The following EGF variants were observed in gnomAD, a reference collection of about 807,000 sequenced individuals.
EGF encodes epidermal growth factor, also known as pro-epidermal growth factor.
A neutral mutation model predicts 143.8 loss-of-function variants in EGF; 95 were observed. The ratio of observed to expected loss-of-function variants is 0.66; its 90% CI spans 0.56 to 0.78. The LOEUF (loss-of-function observed/expected upper bound fraction) is 0.78, where lower values mean the gene tolerates loss of function less well. Ranked by LOEUF, EGF falls within the 30% of genes least tolerant of loss-of-function variation. The probability of loss-of-function intolerance (pLI) is 0.00; values close to 1 mark genes in which losing one functional copy is unlikely to be tolerated. For missense variants in EGF, 1,320 were observed against 1,470.9 expected (o/e 0.90, Z 1.68); for synonymous variants, 510 against 510.5 (o/e 1.00, Z 0.01).
chr4:109,955,169 G>A (rs1744595243), intron 5 of EGF, among the ~76,000 whole-genome samples: 1 of 152,178 alleles, frequency 6.6e-6, no homozygotes, highest in African/African-American at 2.4e-5. Flanking sequence ...CTGGGCCAGG[G>A]TAAAATCTAC....
intron 3 of EGF, 102 bp downstream of exon 3, chr4:109,943,537 C>T: frequency 7.5e-7 from 1 of 1,333,858 alleles, no homozygotes; most frequent in Non-Finnish European, 1.1e-6. Context: ...TCACTGAGAC[C>T]AAAGCCCTCT....
chr4:109,915,957 G>A (rs1462416592), intron 1 of EGF, among the ~76,000 whole-genome samples: 1 of 152,180 alleles, frequency 6.6e-6, no homozygotes, highest in African/African-American at 2.4e-5. Flanking sequence ...AGCAGGTGAG[G>A]ACAGCAGGAA....
chr4:109,956,690 A>G (rs188912874), intron 5 of EGF, among the ~76,000 whole-genome samples: 92 of 152,334 alleles, frequency 6.0e-4, no homozygotes, highest in African/African-American at 2.2e-3. Flanking sequence ...TAAAAATCAT[A>G]GGCAAGAAAT....
intron 9 of EGF, 85 bp downstream of exon 9, chr4:109,963,383 T>C: frequency 5.1e-6 from 8 of 1,573,284 alleles, no homozygotes; most frequent in Non-Finnish European, 7.0e-6. Flanking sequence ...AGTTAACTGC[T>C]TATGGTTTTG....
intron 1 of EGF, among the ~76,000 whole-genome samples, chr4:109,926,515 C>G (rs536339286): frequency 4.7e-4 from 71 of 152,086 alleles, no homozygotes; most frequent in Non-Finnish European, 8.4e-4. Flanking sequence ...CCACCACACC[C>G]GGCTAATTTT....
Position 109,922,465 on chromosome 4 carries a change from A to G in EGF, c.127+9003A>G, listed in dbSNP as rs2125939863. On this transcript the variant is annotated intron_variant, in intron 1 of 23. Transcript: ENST00000265171. ...AGCTAATAGAAATATATAGCGCATG[A>G]CATCCTCTTTAACATGAGCTATGTT... is the stretch of plus-strand genomic sequence containing the variant. 1.3e-5 allele frequency among the ~76,000 whole-genome samples: 2 copies of G among 151,874 alleles called. 1 individual carries two copies. The highest frequency in any genetic ancestry group is 4.1e-4 in the South Asian group (2 of 4,824).
At chr4:110,001,922 C>T (rs532411691) in intron 21 of EGF, 1 of 985,270 alleles carries the variant, frequency 1.0e-6, no homozygotes, top group Non-Finnish European at 1.2e-6. Flanking sequence ...GATCAGTGTA[C>T]CTGCTTACCT....
intron 1 of EGF, among the ~76,000 whole-genome samples, chr4:109,915,108 G>A (rs1736392049): frequency 6.6e-6 from 1 of 152,196 alleles, no homozygotes; most frequent in African/African-American, 2.4e-5. Context: ...TGGTGGCTCA[G>A]AAGTGCCTTC....
chr4:109,967,324 G>A (rs1346031473), intron 10 of EGF, among the ~76,000 whole-genome samples: 1 of 152,038 alleles, frequency 6.6e-6, no homozygotes, highest in African/African-American at 2.4e-5. Flanking sequence ...ATATTTTTGT[G>A]GACTTTGTCA....
intron 20 of EGF, among the ~76,000 whole-genome samples, chr4:109,995,772 A>G (rs909741077): frequency 8.5e-5 from 13 of 152,228 alleles, no homozygotes; most frequent in Admixed American, 3.3e-4. Context: ...AATAGCTACT[A>G]TAACCTTAAA....
chr4:109,975,893 TC>T, intron 12 of EGF, 118 bp from the exon 13 acceptor site: 1 of 1,127,220 alleles, frequency 8.9e-7, no homozygotes. Flanking sequence ...TCTTCTGTAT[TC>T]CTTAGTGTAC....
chr4:109,994,874 C>T lies in EGF; in HGVS notation c.2999C>T (p.Ala1000Val), dbSNP rs1462832681. ...TATATTGAAGCATTGGACAAGTATGCATGCAAGTAAGTTAAACTGTCTTGC... is the reference window on the plus strand; with the variant it reads ...TATATTGAAGCATTGGACAAGTATGTATGCAAGTAAGTTAAACTGTCTTGC... ...CMYIEALDKYACNCVVGYIGE... is the reference protein window; with the variant it reads ...CMYIEALDKYVCNCVVGYIGE... Residue 1000 changes from alanine to valine, a missense_variant, in exon 20 of 24, where the codon GCA becomes GTA. Coordinates refer to ENST00000265171, the MANE Select transcript of EGF (RefSeq NM_001963.6). 6 of 1,614,004 alleles carry T rather than the reference C, an allele frequency of 3.7e-6. No individual in the cohort carries two copies. The highest frequency in any genetic ancestry group is 2.7e-5 in the African/African-American group (2 of 74,934).
At chr4:109,959,257 C>T in intron 5 of EGF, 55 bp from the exon 6 acceptor site, 2 of 1,611,128 alleles carry the variant, frequency 1.2e-6, no homozygotes, top group South Asian at 2.2e-5. Context: ...AAAGATTTAG[C>T]AGTGTCCTCT....
rs1047098007 is a variant in EGF at position 110,001,820 on chromosome 4, A to G, written c.3173+1974A>G. ...GACTATTCCTTCAAAAAGAAAGCTC[A>G]TCAGAACCCTTTCTTTTTCTCTTCA... is the stretch of plus-strand genomic sequence containing the variant. On this transcript the variant is annotated intron_variant, in intron 21 of 23. Transcript: ENST00000265171. 4.1e-6 allele frequency: 4 copies of G among 984,974 alleles called. No homozygotes were observed. The South Asian group carries it at 1.4e-4, about 35-fold the overall frequency. The allele number at this position is 984,974 out of a possible 1,614,324, so 61.0% of individuals were successfully genotyped here.
At chr4:109,970,957 A>T (rs1313880445) in intron 11 of EGF, among the ~76,000 whole-genome samples, 2 of 151,944 alleles carry the variant, frequency 1.3e-5, no homozygotes, top group African/African-American at 4.8e-5. Context: ...TCATCTAATC[A>T]TACCTTCATT....
rs1458825972 is a variant in EGF, at chr4:110,011,532, A to G, written c.*77A>G. 1.2e-6 allele frequency: 2 copies of G among 1,609,388 alleles called. No individual in the cohort carries two copies. Among genetic ancestry groups the G allele is most frequent in the Non-Finnish European group, 1.7e-6 (2 of 1,178,254 alleles). On this transcript the variant is annotated 3_prime_UTR_variant, in exon 24 of 24. Coordinates refer to ENST00000265171, the MANE Select transcript of EGF (RefSeq NM_001963.6). ...TATCTTTTCTTTCAAAAGTAGAGCA[A>G]AACTATAGGTTTTGGTTCCACAATC...
intron 21 of EGF, among the ~76,000 whole-genome samples, chr4:110,000,539 T>C (rs1323985548): frequency 6.6e-6 from 1 of 152,184 alleles, no homozygotes; most frequent in Non-Finnish European, 1.5e-5. Flanking sequence ...TAAAAGAAAA[T>C]CAATATCTTC....
chr4:109,925,603 T>C (rs113876562), intron 1 of EGF, among the ~76,000 whole-genome samples: 14 of 152,270 alleles, frequency 9.2e-5, no homozygotes, highest in African/African-American at 2.9e-4. Context: ...TCAACATGAG[T>C]ACTCCGTCTC....
At chr4:109,967,866 A>G (rs1746859498) in intron 10 of EGF, among the ~76,000 whole-genome samples, 1 of 152,200 alleles carries the variant, frequency 6.6e-6, no homozygotes, top group Admixed American at 6.5e-5. Context: ...AAATTTGTGT[A>G]TCTAAACATA....
Sources: gnomAD v4.1 joint callset for allele counts (sites outside exome capture counted in the v4.1 genomes callset) on GRCh38, gnomAD v4.1.1 for gene constraint, MANE v1.5 for transcripts, NCBI Gene and HGNC (gene_info 2026-07-23, HGNC 2026-07-21) for gene names.